Variants in MPG observed in about 807,000 individuals in gnomAD.
MPG encodes N-methylpurine DNA glycosylase, also known as DNA-3-methyladenine glycosylase.
In MPG, 33 loss-of-function variants were observed where a neutral mutation model predicts 31.7. That is an observed-to-expected ratio of 1.04 (90% CI 0.79 to 1.39). The LOEUF is 1.39. Ranked by LOEUF, MPG falls within the 40% of genes most tolerant of loss-of-function variation. The probability of loss-of-function intolerance (pLI) is 0.00; values close to 1 mark genes in which losing one functional copy is unlikely to be tolerated. For missense variants in MPG, 455 were observed against 415.5 expected (o/e 1.10, Z -0.83); for synonymous variants, 202 against 169.2 (o/e 1.19, Z -1.51).
chr16:82,528 C>G (rs1898279099), intron 2 of MPG, among the ~76,000 whole-genome samples: 4 of 152,150 alleles, frequency 2.6e-5, no homozygotes, highest in African/African-American at 9.7e-5. Context: ...GCTCAGAAAG[C>G]CGGAGGGTGG....
In MPG at chr16:83,046, C is replaced by G. The variant is rs775514188; in HGVS notation, c.301-6C>G. On this transcript the variant is annotated splice_region_variant and splice_polypyrimidine_tract_variant and intron_variant, in intron 2 of 3. Coordinates refer to ENST00000356432, the MANE Select transcript of MPG (RefSeq NM_001015052.3). ...CCCGCCCTGAGCAGAAACTGACTGCCCACAGGTCCTAGTCCGGCGACTTCC... is the reference window on the plus strand; with the variant it reads ...CCCGCCCTGAGCAGAAACTGACTGCGCACAGGTCCTAGTCCGGCGACTTCC... 2 of 1,586,806 alleles carry G rather than the reference C, an allele frequency of 1.3e-6. No individual in the cohort carries two copies. Among genetic ancestry groups the G allele is most frequent in the Non-Finnish European group, 1.7e-6 (2 of 1,164,106 alleles).
At chr16:78,643 T>C (rs1227449508) in intron 1 of MPG, among the ~76,000 whole-genome samples, 1 of 152,186 alleles carries the variant, frequency 6.6e-6, no homozygotes, top group East Asian at 1.9e-4. Flanking sequence ...TTAAAAATAA[T>C]GCATCTCTCC....
In MPG at chr16:81,626, C is replaced by G. The variant is rs1369399759; in HGVS notation, c.301-1426C>G. 2.4e-4 allele frequency among the ~76,000 whole-genome samples: 34 copies of G among 144,578 alleles called. No individual in the cohort carries two copies. The South Asian group carries it at 4.5e-3, about 19-fold the overall frequency. 94.8% of individuals were successfully genotyped at this position (144,578 alleles called of 152,430 possible). On this transcript the variant is annotated intron_variant, in intron 2 of 3. Coordinates refer to ENST00000356432, the MANE Select transcript of MPG (RefSeq NM_001015052.3). ...CCAGGAAGGCCTCCTGAATGCTCCC[C>G]ACACTGACCCCTTCTTCCCACCACC...
Position 85,695 on chromosome 16 carries a change from G to A in MPG, c.800G>A (p.Arg267Gln), listed in dbSNP as rs570972921. 2.3e-5 allele frequency: 36 copies of A among 1,547,730 alleles called. No individual in the cohort carries two copies. Among genetic ancestry groups the A allele is most frequent in the African/African-American group, 8.2e-5 (6 of 73,266 alleles). ...GTCGGCCATGCAGGGGAGTGGGCCC[G>A]GAAACCCCTCCGCTTCTATGTCCGG... Reference protein sequence around the residue: ...VGVGHAGEWARKPLRFYVRGS... With the variant: ...VGVGHAGEWAQKPLRFYVRGS... The change falls in exon 4 of 4, where the codon CGG (arginine) becomes CAG (glutamine). Residue 267 changes from arginine (R) to glutamine (Q), a missense_variant. Physicochemically the swap from Arg to Gln is conservative, Grantham distance 43. Coordinates refer to ENST00000356432, the MANE Select transcript of MPG (RefSeq NM_001015052.3).
chr16:78,324 C>T lies in MPG; in HGVS notation c.15C>T (p.Ser5=), dbSNP rs746982796. The part of the protein sequence containing the change: MPAR[S]GAQFCRRMGQ... ...CGAGCCGCCGGATGCCCGCGCGCAGCGGGGCCCAGGTGAGCGCGCGCCTCG... is the reference window on the plus strand; with the variant it reads ...CGAGCCGCCGGATGCCCGCGCGCAGTGGGGCCCAGGTGAGCGCGCGCCTCG... Residue 5 remains serine, a synonymous_variant, in exon 1 of 4, where the codon AGC becomes AGT. Transcript: ENST00000356432. 6.8e-6 allele frequency: 9 copies of T among 1,320,188 alleles called. No homozygotes were observed. In the South Asian group the frequency reaches 1.5e-4, roughly 22 times the overall value. 81.8% of individuals were successfully genotyped at this position (1,320,188 alleles called of 1,614,324 possible). A position where few individuals can be genotyped will look rare whatever the true frequency, so the allele number is the denominator to read the frequency against.
intron 2 of MPG, among the ~76,000 whole-genome samples, chr16:82,609 T>C (rs908577375): frequency 1.3e-5 from 2 of 152,174 alleles, no homozygotes; most frequent in African/African-American, 4.8e-5. Flanking sequence ...GGCTCTGGGA[T>C]TGCCCAGGTA....
In MPG at chr16:78,270, C is replaced by A. The variant is rs183456872; in HGVS notation, c.-40C>A. ...GGTCGGCGGCTGCTGGGCTCCGCGC[C>A]GGGGTCCGAGTCCCACGAAGCCCCG... On this transcript the variant is annotated 5_prime_UTR_variant, in exon 1 of 4. Transcript: ENST00000356432. 302 of 1,368,720 alleles carry A rather than the reference C, an allele frequency of 2.2e-4. 1 individual carries two copies. The African/African-American group carries it at 4.3e-3, about 20-fold the overall frequency. 84.8% of individuals were successfully genotyped at this position (1,368,720 alleles called of 1,614,324 possible).
chr16:77,894 G>A (rs1344031024), upstream of MPG, among the ~76,000 whole-genome samples: 1 of 152,056 alleles, frequency 6.6e-6, no homozygotes, highest in Non-Finnish European at 1.5e-5. Flanking sequence ...GTTCACGACG[G>A]GCCCGTCCTC....
chr16:78,268 G>A lies in MPG; in HGVS notation c.-42G>A. ...GTGGTCGGCGGCTGCTGGGCTCCGC[G>A]CCGGGGTCCGAGTCCCACGAAGCCC... On this transcript the variant is annotated 5_prime_UTR_variant, in exon 1 of 4. Transcript: ENST00000356432. 7.3e-7 allele frequency: 1 copy of A among 1,369,384 alleles called. No individual in the cohort carries two copies. The highest frequency in any genetic ancestry group is 9.5e-7 in the Non-Finnish European group (1 of 1,057,408). The allele number at this position is 1,369,384 out of a possible 1,614,324, so 84.8% of individuals were successfully genotyped here. A position where few individuals can be genotyped will look rare whatever the true frequency, so the allele number is the denominator to read the frequency against.
In MPG at chr16:85,462, T is replaced by C. The variant is rs1282319769; in HGVS notation, c.567T>C (p.Arg189=). 3 of 1,613,032 alleles carry C rather than the reference T, an allele frequency of 1.9e-6. No homozygotes were observed. The South Asian group carries it at 3.3e-5, about 18-fold the overall frequency. ...LEPLEGLETM[R]QLRSTLRKGT... ...CCCTGGAAGGTCTGGAGACCATGCG[T>C]CAGCTTCGCAGCACCCTCCGGAAAG... The change falls in exon 4 of 4, where the codon CGT becomes CGC. Residue 189 remains arginine, a synonymous_variant. Transcript: ENST00000356432.
At chr16:83,282 T>G in intron 3 of MPG, 26 bp downstream of exon 3, 1 of 1,591,872 alleles carries the variant, frequency 6.3e-7, no homozygotes, top group Non-Finnish European at 8.6e-7. Context: ...GCACGGGGGG[T>G]TGGAGGGCCG....
At chr16:82,598 G>A (rs968920519) in intron 2 of MPG, among the ~76,000 whole-genome samples, 21 of 152,188 alleles carry the variant, frequency 1.4e-4, no homozygotes, top group African/African-American at 4.3e-4. Context: ...GGGACTTCAC[G>A]GGCTCTGGGA....
At chr16:78,075 G>A (rs1898136279), upstream of MPG, 1 of 318,508 alleles carries the variant, frequency 3.1e-6, no homozygotes. Flanking sequence ...CATCGGGCCC[G>A]GGAATCGGTC....
upstream of MPG, among the ~76,000 whole-genome samples, chr16:77,746 C>G (rs1388368344): frequency 6.6e-6 from 1 of 152,202 alleles, no homozygotes; most frequent in Admixed American, 6.5e-5. Context: ...TAAGGACTCC[C>G]CGGCCCACTC....
rs767399310 is a variant in MPG at position 83,108 on chromosome 16, C to T, written c.357C>T (p.Thr119=). Residue 119 remains threonine, a synonymous_variant, in exon 3 of 4, where the codon ACC becomes ACT. Transcript: ENST00000356432. The part of the protein sequence containing the change: ...GTELRGRIVE[T]EAYLGPEDEA... Reference sequence around the variant, plus strand: ...AACTCCGAGGCCGCATCGTGGAGACCGAGGCATACCTGGGGCCAGAGGATG... The same window carrying T: ...AACTCCGAGGCCGCATCGTGGAGACTGAGGCATACCTGGGGCCAGAGGATG... 1.1e-5 allele frequency: 18 copies of T among 1,612,726 alleles called. No homozygotes were observed. The highest frequency in any genetic ancestry group is 8.3e-5 in the Admixed American group (5 of 59,938).
intron 2 of MPG, among the ~76,000 whole-genome samples, chr16:80,477 TTC>T (rs1346327112): frequency 6.6e-6 from 1 of 152,142 alleles, no homozygotes; most frequent in Non-Finnish European, 1.5e-5. Context: ...ACAGAGAACA[TTC>T]TGTCCCCATG....
At chr16:83,819 C>G (rs986501414) in intron 3 of MPG, among the ~76,000 whole-genome samples, 15 of 151,770 alleles carry the variant, frequency 9.9e-5, no homozygotes, top group African/African-American at 3.4e-4. Flanking sequence ...ACAGTGTCGC[C>G]TGCCCTTGAC....
chr16:85,653 C>T lies in MPG; in HGVS notation c.758C>T (p.Ala253Val), dbSNP rs769193. The T allele has an allele frequency of 8.1e-5, 129 of 1,588,822 alleles. No homozygotes were observed. In the East Asian group the frequency reaches 2.9e-3, roughly 36 times the overall value. ...PLEPSEPAVV[A>V]AARVGVGHAG... ...GAGCCCAGTGAGCCGGCTGTAGTGG[C>T]AGCAGCCCGGGTGGGCGTCGGCCAT... The change falls in exon 4 of 4, where the codon GCA (alanine) becomes GTA (valine). Residue 253 changes from alanine (A) to valine (V), a missense_variant. Physicochemically the swap from Ala to Val is moderately conservative, Grantham distance 64 (BLOSUM62 0). Coordinates refer to ENST00000356432, the MANE Select transcript of MPG (RefSeq NM_001015052.3).
chr16:80,050 G>A (rs1329269893), intron 2 of MPG, among the ~76,000 whole-genome samples: 1 of 152,232 alleles, frequency 6.6e-6, no homozygotes, highest in Non-Finnish European at 1.5e-5. Context: ...GCCAGTGTCG[G>A]GCTGCCCCTT....
Sources: gnomAD v4.1 joint callset for allele counts (sites outside exome capture counted in the v4.1 genomes callset) on GRCh38, gnomAD v4.1.1 for gene constraint, MANE v1.5 for transcripts, NCBI Gene and HGNC (gene_info 2026-07-23, HGNC 2026-07-21) for gene names.